SLC35F4: variants seen among roughly 807,000 people sequenced by gnomAD.
The protein encoded by SLC35F4 is solute carrier family 35 member F4.
Under a neutral mutation model 44.2 loss-of-function variants are expected in SLC35F4, and 24 were observed. The observed-to-expected ratio is 0.54, with a 90% CI of 0.39 to 0.76. SLC35F4 has a LOEUF of 0.76. Among genes scored for constraint, SLC35F4 ranks in the 30% least tolerant of loss-of-function variants. The pLI, the probability that SLC35F4 is intolerant of heterozygous loss-of-function variation, is 0.00. For synonymous variants in SLC35F4, 238 were observed against 223.6 expected, an observed-to-expected ratio of 1.06 and a Z score of -0.57; for missense variants, 562 against 586.1, an observed-to-expected ratio of 0.96 and a Z score of 0.42.
chr14:57,630,806 T>G (rs2072733441), intron 1 of SLC35F4: 1 of 598,990 alleles, frequency 1.7e-6, no homozygotes, highest in African/African-American at 2.0e-5. Flanking sequence ...TTGTTAGTTT[T>G]CCCTGTACCA....
chr14:57,807,884 G>A (rs913435206), intron 1 of SLC35F4, among the ~76,000 whole-genome samples: 9 of 151,594 alleles, frequency 5.9e-5, no homozygotes, highest in Non-Finnish European at 1.2e-4. Flanking sequence ...TACATGGCTG[G>A]GGGGCCTCAC....
At chr14:57,887,859 C>T (rs1174304309) in intron 1 of SLC35F4, among the ~76,000 whole-genome samples, 1 of 152,120 alleles carries the variant, frequency 6.6e-6, no homozygotes, top group Non-Finnish European at 1.5e-5. Context: ...TATTGGGTGT[C>T]AGCTGACAGC....
At chr14:57,620,375 G>C (rs555341972) in intron 1 of SLC35F4, among the ~76,000 whole-genome samples, 44 of 152,212 alleles carry the variant, frequency 2.9e-4, no homozygotes, top group Non-Finnish European at 5.3e-4. Flanking sequence ...AAGAGGGTGG[G>C]GGCCAATATT....
intron 4 of SLC35F4, among the ~76,000 whole-genome samples, chr14:57,572,744 G>A (rs144718184): frequency 6.6e-6 from 1 of 152,262 alleles, no homozygotes; most frequent in East Asian, 1.9e-4. Context: ...TTCAACTGAA[G>A]TCATCATTGT....
At chr14:57,875,703 G>C (rs965927966) in intron 1 of SLC35F4, among the ~76,000 whole-genome samples, 2 of 152,180 alleles carry the variant, frequency 1.3e-5, no homozygotes, top group Non-Finnish European at 2.9e-5. Context: ...GCCTCTTGAG[G>C]CCTAGACTCA....
chr14:57,807,882 T>TG (rs530444239), intron 1 of SLC35F4, among the ~76,000 whole-genome samples: 1 of 151,838 alleles, frequency 6.6e-6, no homozygotes, highest in Non-Finnish European at 1.5e-5. Flanking sequence ...TCTACATGGC[T>TG]GGGGGGCCTC....
At chr14:57,946,931 T>G (rs1354225523) in intron 1 of SLC35F4, among the ~76,000 whole-genome samples, 1 of 152,076 alleles carries the variant, frequency 6.6e-6, no homozygotes, top group African/African-American at 2.4e-5. Flanking sequence ...TTTGTTTTTG[T>G]TTTTTGCTTA....
intron 1 of SLC35F4, among the ~76,000 whole-genome samples, chr14:57,952,692 T>C (rs970869357): frequency 1.3e-5 from 2 of 151,326 alleles, no homozygotes; most frequent in African/African-American, 4.9e-5. Flanking sequence ...ATATCAGAGA[T>C]TGAAGATCAA....
chr14:57,579,959 G>A (rs970265268), intron 4 of SLC35F4, among the ~76,000 whole-genome samples: 1 of 152,136 alleles, frequency 6.6e-6, no homozygotes. Flanking sequence ...ACTTGTCAGG[G>A]TATCTGATGG....
chr14:57,944,546 T>A (rs934746615), intron 1 of SLC35F4, among the ~76,000 whole-genome samples: 1 of 151,868 alleles, frequency 6.6e-6, no homozygotes, highest in Non-Finnish European at 1.5e-5. Context: ...CTCCTCAAAA[T>A]TGTGCTTTGT....
At chr14:57,766,107 T>TTTATAAAGTTATA (rs2077228670) in intron 1 of SLC35F4, among the ~76,000 whole-genome samples, 1 of 152,202 alleles carries the variant, frequency 6.6e-6, no homozygotes, top group African/African-American at 2.4e-5. Flanking sequence ...AGAATGGGTT[T>TTTATAAAGTTATA]CAGCTCCTAT....
Position 57,865,780 on chromosome 14 carries a change from G to A in SLC35F4, c.46C>T (p.Arg16Trp). 2 of 1,523,240 alleles carry A rather than the reference G, an allele frequency of 1.3e-6. No individual in the cohort carries two copies. Among genetic ancestry groups the A allele is most frequent in the East Asian group, 2.5e-5 (1 of 40,078 alleles). 94.4% of individuals were successfully genotyped at this position (1,523,240 alleles called of 1,614,324 possible). Residue 16 changes from arginine (R) to tryptophan (W), a missense_variant, in exon 1 of 8, where the codon CGG (arginine) becomes TGG (tryptophan). Physicochemically the swap from Arg to Trp is moderately radical, Grantham distance 101. Coordinates refer to ENST00000556826, the MANE Select transcript of SLC35F4 (RefSeq NM_001306087.2). ...TAGTAGCCGGTGATCCGCAGGATCC[G>A]GTCCTCGATAGTGGCCACCCCGTTG... is the stretch of plus-strand genomic sequence containing the variant. ...APNGVATIED[R>W]ILRITGYYGY...
intron 1 of SLC35F4, among the ~76,000 whole-genome samples, chr14:57,832,838 T>C (rs759590591): frequency 2.6e-5 from 4 of 152,176 alleles, no homozygotes; most frequent in Non-Finnish European, 5.9e-5. Flanking sequence ...TTACACTCAC[T>C]GATAAAAAAT....
intron 1 of SLC35F4, among the ~76,000 whole-genome samples, chr14:57,644,678 A>T (rs1224764881): frequency 6.6e-6 from 1 of 151,990 alleles, no homozygotes; most frequent in African/African-American, 2.4e-5. Flanking sequence ...TTTAGACATG[A>T]AGTCCTTGCC....
intron 1 of SLC35F4, among the ~76,000 whole-genome samples, chr14:57,959,988 G>C (rs1422227536): frequency 6.6e-6 from 1 of 152,152 alleles, no homozygotes; most frequent in Non-Finnish European, 1.5e-5. Context: ...AGCAGGTTTT[G>C]ACCAGGAGTG....
intron 1 of SLC35F4, among the ~76,000 whole-genome samples, chr14:57,885,245 A>T (rs780888659): frequency 6.6e-6 from 1 of 152,138 alleles, no homozygotes; most frequent in Non-Finnish European, 1.5e-5. Context: ...GGGCAAGTTC[A>T]ATTCACCCTA....
intron 1 of SLC35F4, among the ~76,000 whole-genome samples, chr14:57,672,910 T>G (rs75851225): frequency 0.16 from 23,666 of 151,926 alleles, 1,995 homozygotes; most frequent in East Asian, 0.29. Flanking sequence ...GTTTTTTGTT[T>G]TTTTGCACAG....
At chr14:57,654,259 A>C (rs1594717873) in intron 1 of SLC35F4, among the ~76,000 whole-genome samples, 1 of 152,254 alleles carries the variant, frequency 6.6e-6, no homozygotes, top group African/African-American at 2.4e-5. Context: ...TATACACTGT[A>C]TCCAATACAT....
chr14:57,661,560 G>C (rs1238271786), intron 1 of SLC35F4, among the ~76,000 whole-genome samples: 1 of 152,176 alleles, frequency 6.6e-6, no homozygotes, highest in Non-Finnish European at 1.5e-5. Context: ...AAATCAGTAA[G>C]AAGCAATCCA....
Sources: gnomAD v4.1 joint callset for allele counts (sites outside exome capture counted in the v4.1 genomes callset) on GRCh38, gnomAD v4.1.1 for gene constraint, MANE v1.5 for transcripts, NCBI Gene and HGNC (gene_info 2026-07-23, HGNC 2026-07-21) for gene names.